Variants in UAP1 observed in about 807,000 individuals in gnomAD.
UAP1 encodes UDP-N-acetylhexosamine pyrophosphorylase.
Under a neutral mutation model 58.5 loss-of-function variants are expected in UAP1, and 25 were observed. The observed-to-expected ratio is 0.43, with a 90% CI of 0.31 to 0.60. The LOEUF is 0.60. Ranked by LOEUF, UAP1 falls within the 20% of genes least tolerant of loss-of-function variation. The pLI is 0.11. For synonymous variants in UAP1, 208 were observed against 213.0 expected (o/e 0.98, Z 0.21); for missense variants, 575 against 630.0 (o/e 0.91, Z 0.93).
At chr1:162,597,880 C>G in intron 10 of UAP1, 22 bp downstream of exon 10, 1 of 1,591,752 alleles carries the variant, frequency 6.3e-7, no homozygotes. Context: ...TTACTTTTTC[C>G]TCTATTCTTT....
intron 7 of UAP1, among the ~76,000 whole-genome samples, chr1:162,589,192 T>G: frequency 1.5e-5 from 1 of 68,128 alleles, no homozygotes; most frequent in East Asian, 4.0e-4. Context: ...ATAATATATA[T>G]TATATATTAT....
At chr1:162,564,074 G>C (rs896395800) in intron 1 of UAP1, among the ~76,000 whole-genome samples, 2 of 152,146 alleles carry the variant, frequency 1.3e-5, no homozygotes, top group African/African-American at 2.4e-5. Flanking sequence ...ATATAAATCT[G>C]TTCCTCTCAA....
In UAP1 at chr1:162,592,584, A is replaced by AT. The variant is rs556475709; in HGVS notation, c.1359-141dup. ...TCTTTGGCCATTGAGTTTTATTTTTATTTTTTTACCCCCTTTTGGTCTCTT... is the reference window on the plus strand; with the variant it reads ...TCTTTGGCCATTGAGTTTTATTTTTATTTTTTTTACCCCCTTTTGGTCTCTT... On this transcript the variant is annotated intron_variant, in intron 8 of 10. Coordinates refer to ENST00000271469, the Ensembl canonical transcript of UAP1. 5.3e-3 allele frequency: 3,350 copies of AT among 632,698 alleles called. 14 individuals carry two copies. Among genetic ancestry groups the AT allele is most frequent in the Admixed American group, 7.4e-3 (276 of 37,282 alleles). The allele number at this position is 632,698 out of a possible 1,614,324, so 39.2% of individuals were successfully genotyped here. A position where few individuals can be genotyped will look rare whatever the true frequency, so the allele number is the denominator to read the frequency against.
chr1:162,592,860 T>C, intron 9 of UAP1, 78 bp downstream of exon 9: 2 of 1,331,088 alleles, frequency 1.5e-6, no homozygotes, highest in Non-Finnish European at 1.1e-6. Context: ...CGTAGTTTAG[T>C]GCTCTGCCTT....
intron 2 of UAP1, among the ~76,000 whole-genome samples, chr1:162,567,827 C>T (rs950400940): frequency 2.0e-5 from 3 of 152,098 alleles, no homozygotes; most frequent in African/African-American, 7.2e-5. Flanking sequence ...GAGACAGCCT[C>T]GCTTTGTTGC....
intron 5 of UAP1, among the ~76,000 whole-genome samples, chr1:162,584,689 C>T (rs941718110): frequency 2.0e-5 from 3 of 152,030 alleles, no homozygotes; most frequent in African/African-American, 7.2e-5. Flanking sequence ...TGCTACATTG[C>T]CCAGGCTGGT....
At chr1:162,587,408 C>A in intron 5 of UAP1, 67 bp from the exon 6 acceptor site, 1 of 1,427,240 alleles carries the variant, frequency 7.0e-7, no homozygotes. Context: ...TCATCTTTGA[C>A]AATGGCAAAT....
At chr1:162,577,068 A>C in intron 3 of UAP1, 87 bp downstream of exon 3, 1 of 1,257,236 alleles carries the variant, frequency 8.0e-7, no homozygotes, top group East Asian at 2.5e-5. Flanking sequence ...GCACTCACAG[A>C]CATATTTCTT....
chr1:162,582,917 T>G (rs188364663), intron 5 of UAP1, among the ~76,000 whole-genome samples: 78 of 152,098 alleles, frequency 5.1e-4, no homozygotes, highest in Non-Finnish European at 1.9e-4. Flanking sequence ...TGAAAATAAG[T>G]GTTGGTTTAG....
chr1:162,591,394 A>G (rs1655301971), intron 8 of UAP1, among the ~76,000 whole-genome samples: 1 of 152,216 alleles, frequency 6.6e-6, no homozygotes, highest in Non-Finnish European at 1.5e-5. Flanking sequence ...TGATACTTAG[A>G]AATGGCTTTG....
chr1:162,599,435 A>G (rs546283063), exon 11 of UAP1: 4 of 989,842 alleles, frequency 4.0e-6, no homozygotes, highest in African/African-American at 3.2e-5. Flanking sequence ...TGAACCTACA[A>G]GACGTCTTGG....
chr1:162,587,402 C>A (rs1654958666), intron 5 of UAP1, 73 bp from the exon 6 acceptor site: 2 of 1,412,990 alleles, frequency 1.4e-6, no homozygotes, highest in Non-Finnish European at 1.9e-6. Flanking sequence ...TAAATGTCAT[C>A]TTTGACAATG....
rs754954530 is a variant in UAP1, at chr1:162,566,242, G to A, written c.174G>A (p.Gln58=). Residue 58 remains glutamine, a synonymous_variant, in exon 2 of 11, where the codon CAG becomes CAA. Coordinates refer to ENST00000271469, the Ensembl canonical transcript of UAP1. ...AAAAGGCCATTGAAGGTTTTAACCA[G>A]TCTTCTCACCAAAAGAATGTGGATG... 1.9e-6 allele frequency: 3 copies of A among 1,614,164 alleles called. No individual in the cohort carries two copies. In the South Asian group the frequency reaches 3.3e-5, roughly 18 times the overall value.
intron 9 of UAP1, among the ~76,000 whole-genome samples, chr1:162,595,042 G>A (rs34293553): frequency 2.0e-5 from 3 of 152,176 alleles, no homozygotes; most frequent in Non-Finnish European, 4.4e-5. Context: ...GTTTTGACTC[G>A]ATATTATTTT....
intron 2 of UAP1, among the ~76,000 whole-genome samples, chr1:162,570,833 GAT>G (rs1653815130): frequency 6.6e-6 from 1 of 152,104 alleles, no homozygotes; most frequent in African/African-American, 2.4e-5. Flanking sequence ...CTGGAGTTCT[GAT>G]AATTTAAATG....
rs754024096 is a variant in UAP1 at position 162,576,979 on chromosome 1, A to G, written c.483A>G (p.Pro161=). Residue 161 remains proline, a splice_region_variant and synonymous_variant, in exon 3 of 11, where the codon CCA becomes CCG. Coordinates refer to ENST00000271469, the Ensembl canonical transcript of UAP1. ...ATTATGGCAACAAATGCATTATTCC[A>G]TGGTAAGATACGTCTCATTATTGGA... 1.5e-5 allele frequency: 24 copies of G among 1,613,682 alleles called. No homozygotes were observed. In the Admixed American group the frequency reaches 1.7e-4, roughly 11 times the overall value.
chr1:162,575,731 C>T (rs867647043), intron 2 of UAP1, among the ~76,000 whole-genome samples: 6 of 137,108 alleles, frequency 4.4e-5, no homozygotes, highest in African/African-American at 1.1e-4. Context: ...TTTTGAGTCT[C>T]GCTCTGTCAC....
At chr1:162,592,671 A>G (rs1407597263) in intron 8 of UAP1, 61 bp from the exon 9 acceptor site, 8 of 1,326,788 alleles carry the variant, frequency 6.0e-6, no homozygotes, top group Admixed American at 2.0e-5. Context: ...TTGCAACTCC[A>G]TTTCATTGTT....
chr1:162,574,372 T>G (rs544810743), intron 2 of UAP1, among the ~76,000 whole-genome samples: 1 of 152,302 alleles, frequency 6.6e-6, no homozygotes, highest in East Asian at 1.9e-4. Flanking sequence ...AGATTACAGG[T>G]GTGAGCCACT....
Sources: allele counts gnomAD v4.1 joint callset (sites outside exome capture counted in the v4.1 genomes callset), GRCh38; gene constraint gnomAD v4.1.1; transcripts MANE v1.5; gene names NCBI Gene and HGNC (gene_info 2026-07-23, HGNC 2026-07-21).